The following SNRNP40 variants were observed in gnomAD, a reference collection of about 807,000 sequenced individuals.
SNRNP40 encodes the protein U5 small nuclear ribonucleoprotein 40 kDa protein.
SNRNP40 carries 21 observed loss-of-function variants against 45.8 expected under a neutral mutation model. That is an observed-to-expected ratio of 0.46 (90% CI 0.32 to 0.66). SNRNP40 has a LOEUF of 0.66. SNRNP40 is among the 30% of genes least tolerant of loss of function. SNRNP40 has a pLI of 0.03. For missense variants in SNRNP40, 344 were observed against 439.1 expected (o/e 0.78, Z 1.94); for synonymous variants, 142 against 163.8 (o/e 0.87, Z 1.01).
At chr1:31,287,230 A>C (rs939442811) in intron 4 of SNRNP40, among the ~76,000 whole-genome samples, 11 of 152,228 alleles carry the variant, frequency 7.2e-5, no homozygotes, top group African/African-American at 2.7e-4. Flanking sequence ...GTACATTGCA[A>C]AAAGCTGTTT....
At chr1:31,290,940 T>C (rs7527645) in intron 3 of SNRNP40, among the ~76,000 whole-genome samples, 84,019 of 151,788 alleles carry the variant, frequency 0.55, 23,947 homozygotes, top group Non-Finnish European at 0.63. Context: ...CTAACAAATA[T>C]GCAACAACTA....
At position 31,283,893 on chromosome 1, in the gene SNRNP40, A is replaced by G. The variant is rs76057255; in HGVS notation, c.532-2397T>C. Among the ~76,000 whole-genome samples the G allele has an allele frequency of 6.6e-3, 1,000 of 152,290 alleles. 8 individuals are homozygous for G. The highest frequency in any genetic ancestry group is 0.023 in the African/African-American group (944 of 41,570). ...CATGATACACAAAAATTAATTCAAC[A>G]TGGATCAAGGACCTAAATGTAAGAG... On this transcript the variant is annotated intron_variant, in intron 4 of 9. Coordinates refer to ENST00000263694, the MANE Select transcript of SNRNP40 (RefSeq NM_004814.3).
At chr1:31,261,033 T>C (rs763155105) in intron 9 of SNRNP40, 19 of 1,283,200 alleles carry the variant, frequency 1.5e-5, no homozygotes, top group South Asian at 1.2e-4. Flanking sequence ...GAGACTGACA[T>C]TGATACCCAC....
At chr1:31,293,412 G>A in intron 1 of SNRNP40, 64 bp from the exon 2 acceptor site, 22 of 1,489,264 alleles carry the variant, frequency 1.5e-5, no homozygotes, top group Non-Finnish European at 2.0e-5. Flanking sequence ...AAAATTAGGG[G>A]GTGGGGAGTG....
chr1:31,261,436 T>G, intron 9 of SNRNP40, 93 bp downstream of exon 9: 1 of 792,542 alleles, frequency 1.3e-6, no homozygotes. Context: ...TGGAAATTCG[T>G]ATAAAACAGA....
Position 31,259,761 on chromosome 1 carries a change from A to AC in SNRNP40, c.*310_*311insG. 1 of 520,864 alleles carries AC rather than the reference A, an allele frequency of 1.9e-6. No individual in the cohort carries two copies. The highest frequency in any genetic ancestry group is 4.5e-5 in the East Asian group (1 of 22,076). 32.3% of individuals were successfully genotyped at this position (520,864 alleles called of 1,614,324 possible). A position where few individuals can be genotyped will look rare whatever the true frequency, so the allele number is the denominator to read the frequency against. On this transcript the variant is annotated 3_prime_UTR_variant, in exon 10 of 10. Coordinates refer to ENST00000263694, the MANE Select transcript of SNRNP40 (RefSeq NM_004814.3). ...ATATCATACAAGCCAGTTACAAAAA[A>AC]AAAAAAAAAATCCCAACCAACAAAT...
chr1:31,284,784 G>C (rs111770745), intron 4 of SNRNP40, among the ~76,000 whole-genome samples: 2 of 152,092 alleles, frequency 1.3e-5, no homozygotes, highest in African/African-American at 4.8e-5. Flanking sequence ...TCATGGTTTA[G>C]GATGAAAAGT....
intron 3 of SNRNP40, 98 bp from the exon 4 acceptor site, chr1:31,289,517 C>T (rs967556419): frequency 4.6e-6 from 5 of 1,093,420 alleles, no homozygotes; most frequent in African/African-American, 1.5e-5. Flanking sequence ...TTTTCAAGAT[C>T]ACTGACCTGC....
In SNRNP40 at chr1:31,296,425, C is replaced by CG. The variant is rs1218497702; in HGVS notation, c.141+185dup. Reference sequence around the variant, plus strand: ...CGAGAGGCTGAAAACGGGCGCCAAACGGGGGAACACGTACGCAGCATTCGC... The same window carrying CG: ...CGAGAGGCTGAAAACGGGCGCCAAACGGGGGGAACACGTACGCAGCATTCGC... On this transcript the variant is annotated intron_variant, in intron 1 of 9. Coordinates refer to ENST00000263694, the MANE Select transcript of SNRNP40 (RefSeq NM_004814.3). 2.6e-5 allele frequency among the ~76,000 whole-genome samples: 4 copies of CG among 152,176 alleles called. No individual in the cohort carries two copies. In the East Asian group the frequency reaches 7.7e-4, roughly 29 times the overall value.
At chr1:31,287,634 AAAC>A (rs1166656284) in intron 4 of SNRNP40, among the ~76,000 whole-genome samples, 1 of 152,188 alleles carries the variant, frequency 6.6e-6, no homozygotes, top group Non-Finnish European at 1.5e-5. Context: ...AACCAATCTT[AAAC>A]AACAGACTCT....
In SNRNP40 at chr1:31,271,677, G is replaced by A. The variant is rs146424900; in HGVS notation, c.655-178C>T. 3.1e-3 allele frequency among the ~76,000 whole-genome samples: 469 copies of A among 150,688 alleles called. 5 individuals carry two copies. The highest frequency in any genetic ancestry group is 0.012 in the East Asian group (61 of 5,150). ...ATTTTCATTTTTTTTTTGAGACAGC[G>A]TCTCACTCTGTTGCCCAGTGCAGTG... is the stretch of plus-strand genomic sequence containing the variant. On this transcript the variant is annotated intron_variant, in intron 5 of 9. Coordinates refer to ENST00000263694, the MANE Select transcript of SNRNP40 (RefSeq NM_004814.3).
chr1:31,284,715 G>A (rs1286288509), intron 4 of SNRNP40, among the ~76,000 whole-genome samples: 2 of 152,230 alleles, frequency 1.3e-5, no homozygotes, highest in Admixed American at 6.5e-5. Context: ...CTTCAATCCT[G>A]TAGTCAACAA....
chr1:31,273,355 A>C (rs2148383529), intron 5 of SNRNP40, among the ~76,000 whole-genome samples: 1 of 152,276 alleles, frequency 6.6e-6, no homozygotes, highest in East Asian at 1.9e-4. Context: ...TGCCACAAAA[A>C]AAATCTACAG....
chr1:31,279,920 A>G (rs942317522), intron 5 of SNRNP40, among the ~76,000 whole-genome samples: 7 of 150,906 alleles, frequency 4.6e-5, no homozygotes, highest in African/African-American at 1.7e-4. Context: ...AAGCCTGCCC[A>G]ACATGGTGAA....
chr1:31,275,934 A>G (rs1451165295), intron 5 of SNRNP40, among the ~76,000 whole-genome samples: 2 of 152,234 alleles, frequency 1.3e-5, no homozygotes, highest in Non-Finnish European at 2.9e-5. Context: ...CTATTCTAAG[A>G]AAACAAATAC....
chr1:31,267,804 T>A (rs1046371851), intron 8 of SNRNP40, 67 bp downstream of exon 8: 11 of 1,235,212 alleles, frequency 8.9e-6, no homozygotes, highest in Admixed American at 1.7e-5. Context: ...AGTGCTGGGA[T>A]TGCAGGCACG....
chr1:31,271,016 G>A (rs1645934157), intron 6 of SNRNP40, among the ~76,000 whole-genome samples: 2 of 152,208 alleles, frequency 1.3e-5, no homozygotes, highest in African/African-American at 4.8e-5. Flanking sequence ...TCCAAGCTTG[G>A]TGCTCTCTGA....
intron 4 of SNRNP40, among the ~76,000 whole-genome samples, chr1:31,288,768 T>G (rs1329398712): frequency 6.6e-6 from 1 of 151,956 alleles, no homozygotes; most frequent in African/African-American, 2.4e-5. Flanking sequence ...AGACAGAGTC[T>G]CGCTCTGTCG....
chr1:31,293,211 T>C lies in SNRNP40; in HGVS notation c.271+8A>G, dbSNP rs1244185194. On this transcript the variant is annotated splice_region_variant and intron_variant, in intron 2 of 9. Transcript: ENST00000263694. ...AAAATTATTCCAGATTCAAAAACTA[T>C]GCCTCACATATCAGTCGGTCAAATC... The C allele has an allele frequency of 1.2e-6, 2 of 1,613,396 alleles. No homozygotes were observed. Among genetic ancestry groups the C allele is most frequent in the Non-Finnish European group, 8.5e-7 (1 of 1,179,732 alleles).
Sources: gnomAD v4.1 joint callset for allele counts (sites outside exome capture counted in the v4.1 genomes callset) on GRCh38, gnomAD v4.1.1 for gene constraint, MANE v1.5 for transcripts, NCBI Gene and HGNC (gene_info 2026-07-23, HGNC 2026-07-21) for gene names.